GPHN: variants seen among roughly 807,000 people sequenced by gnomAD.
GPHN encodes the protein gephyrin.
GPHN carries 17 observed loss-of-function variants against 95.5 expected under a neutral mutation model. That is an observed-to-expected ratio of 0.18 (90% CI 0.12 to 0.27). The LOEUF (loss-of-function observed/expected upper bound fraction) is 0.27. Among genes scored for constraint, GPHN ranks in the 10% least tolerant of loss-of-function variants. The pLI is 1.00. For synonymous variants in GPHN, 320 were observed against 322.5 expected, an observed-to-expected ratio of 0.99 and a Z score of 0.08; for missense variants, 660 against 978.1, an observed-to-expected ratio of 0.67 and a Z score of 4.34.
the GPHN span, among the ~76,000 whole-genome samples, chr14:67,284,429 T>TAAAAAAAAAAAAAAAATAAAAA: frequency 1.1e-5 from 1 of 92,678 alleles, no homozygotes; most frequent in African/African-American, 6.3e-5. Context: ...CCCTATCTCT[T>TAAAAAAAAAAAAAAAATAAAAA]AAAAAAAAAA....
At chr14:67,336,679 G>GTCAAAGTC in the GPHN span, 1 of 455,314 alleles carries the variant, frequency 2.2e-6, no homozygotes, top group Non-Finnish European at 4.4e-6. Flanking sequence ...TCTTTGACTT[G>GTCAAAGTC]TCAAAGTCTC....
chr14:67,143,417 A>G lies in GPHN; in HGVS notation c.1804A>G (p.Ile602Val), dbSNP rs756165409. 1 of 1,608,032 alleles carries G rather than the reference A, an allele frequency of 6.2e-7. No homozygotes were observed. Among genetic ancestry groups the G allele is most frequent in the Admixed American group, 1.7e-5 (1 of 59,992 alleles). ...GGGTATCAGTCGTGCTGATGTCATC[A>G]TCACATCAGGGGGTGTATCCATGGG... ...NEGISRADVI[I>V]TSGGVSMGEK... Residue 602 changes from isoleucine to valine, a missense_variant, in exon 18 of 23, where the codon ATC (isoleucine) becomes GTC (valine). Ile to Val is a conservative substitution (Grantham distance 29, BLOSUM62 3). Coordinates refer to ENST00000478722, the MANE Select transcript of GPHN (RefSeq NM_020806.5).
At chr14:67,314,840 C>T in the GPHN span, among the ~76,000 whole-genome samples, 2 of 152,178 alleles carry the variant, frequency 1.3e-5, no homozygotes, top group African/African-American at 4.8e-5. Flanking sequence ...CCTGTAATCC[C>T]AGCACTTTGG....
the GPHN span, among the ~76,000 whole-genome samples, chr14:67,656,833 G>A: frequency 1.3e-5 from 2 of 152,314 alleles, no homozygotes; most frequent in South Asian, 4.1e-4. Flanking sequence ...GCGAGGCAAG[G>A]AAAGATGGAT....
the GPHN span, among the ~76,000 whole-genome samples, chr14:67,235,311 C>A: frequency 6.6e-6 from 1 of 152,178 alleles, no homozygotes; most frequent in East Asian, 1.9e-4. Flanking sequence ...ATTTTATAGC[C>A]CTTTTCAAGC....
chr14:66,678,755 A>G (rs2066764287), intron 1 of GPHN, among the ~76,000 whole-genome samples: 1 of 151,900 alleles, frequency 6.6e-6, no homozygotes. Context: ...AGACATATCT[A>G]TAGTGTCATT....
the GPHN span, among the ~76,000 whole-genome samples, chr14:67,410,668 G>A: frequency 6.6e-6 from 1 of 152,182 alleles, no homozygotes; most frequent in Non-Finnish European, 1.5e-5. Context: ...GAAAATGAAA[G>A]TGATGTGAGA....
intron 1 of GPHN, among the ~76,000 whole-genome samples, chr14:66,526,456 T>C (rs527616758): frequency 8.3e-4 from 126 of 152,268 alleles, no homozygotes; most frequent in Middle Eastern, 6.8e-3. Flanking sequence ...CTCTTCCTAT[T>C]TGAATACACT....
At chr14:67,563,693 A>G in the GPHN span, among the ~76,000 whole-genome samples, 1 of 149,984 alleles carries the variant, frequency 6.7e-6, no homozygotes, top group East Asian at 2.0e-4. Context: ...TGGGCCTCCC[A>G]AAGTGCTGGG....
At chr14:67,467,963 A>G in the GPHN span, 2 of 151,664 alleles carry the variant, frequency 1.3e-5, no homozygotes, top group Non-Finnish European at 2.9e-5. Context: ...CCTGGGAACC[A>G]CAACTGCTAT....
At chr14:66,869,108 G>A (rs956950942) in intron 4 of GPHN, among the ~76,000 whole-genome samples, 10 of 152,040 alleles carry the variant, frequency 6.6e-5, no homozygotes, top group Non-Finnish European at 1.3e-4. Flanking sequence ...AAAAGAATCT[G>A]GTAATCAAAT....
At chr14:67,369,817 AGAAAG>A in the GPHN span, among the ~76,000 whole-genome samples, 2,213 of 152,332 alleles carry the variant, frequency 0.015, 21 homozygotes, top group Non-Finnish European at 0.023. Context: ...AGAAGATAAA[AGAAAG>A]GAAAGGTAAA....
the GPHN span, chr14:67,208,522 T>G: frequency 3.4e-6 from 5 of 1,468,934 alleles, no homozygotes; most frequent in South Asian, 5.4e-5. Context: ...TGCTTTAGTC[T>G]CTTAACTCAG....
the GPHN span, among the ~76,000 whole-genome samples, chr14:67,268,651 G>A: frequency 0.15 from 23,572 of 152,176 alleles, 3,453 homozygotes; most frequent in East Asian, 0.42. Flanking sequence ...TGGCAGGAGC[G>A]TCTTTTAGCA....
intron 2 of GPHN, among the ~76,000 whole-genome samples, chr14:66,725,117 C>G (rs943791177): frequency 6.6e-6 from 1 of 152,178 alleles, no homozygotes; most frequent in African/African-American, 2.4e-5. Context: ...TTCTCTTCCT[C>G]ATGACAACAC....
intron 1 of GPHN, among the ~76,000 whole-genome samples, chr14:66,595,859 A>G (rs1393145503): frequency 6.6e-6 from 1 of 152,186 alleles, no homozygotes; most frequent in Non-Finnish European, 1.5e-5. Flanking sequence ...CTGCTCTTTC[A>G]GTCGTGCCGT....
At chr14:67,134,922 TTCTC>T (rs1219003771) in intron 17 of GPHN, among the ~76,000 whole-genome samples, 2 of 148,872 alleles carry the variant, frequency 1.3e-5, no homozygotes, top group African/African-American at 2.5e-5. Flanking sequence ...CTCTCTTTCT[TTCTC>T]TCTTTTTTTC....
rs547879418 is a variant in GPHN at position 67,136,978 on chromosome 14, C to A, written c.1749-6384C>A. 3.3e-5 allele frequency among the ~76,000 whole-genome samples: 5 copies of A among 152,166 alleles called. No individual in the cohort carries two copies. The South Asian group carries it at 6.2e-4, about 19-fold the overall frequency. ...AGGAGTTCAAGACCAGCCTGGCCAACATGGCAAAACTCTACTAAAAATACA... is the reference window on the plus strand; with the variant it reads ...AGGAGTTCAAGACCAGCCTGGCCAAAATGGCAAAACTCTACTAAAAATACA... On this transcript the variant is annotated intron_variant, in intron 17 of 22. Coordinates refer to ENST00000478722, the MANE Select transcript of GPHN (RefSeq NM_020806.5).
chr14:66,843,507 C>T (rs955803832), intron 4 of GPHN, among the ~76,000 whole-genome samples: 7 of 152,178 alleles, frequency 4.6e-5, no homozygotes, highest in Non-Finnish European at 8.8e-5. Context: ...TATTTGCTAC[C>T]TATGGCTGCC....
Sources: allele counts gnomAD v4.1 joint callset (sites outside exome capture counted in the v4.1 genomes callset), GRCh38; gene constraint gnomAD v4.1.1; transcripts MANE v1.5; gene names NCBI Gene and HGNC (gene_info 2026-07-23, HGNC 2026-07-21).